The following TUSC3 variants were observed in gnomAD, a reference collection of about 807,000 sequenced individuals.
The protein encoded by TUSC3 is dolichyl-diphosphooligosaccharide--protein glycosyltransferase subunit TUSC3.
A neutral mutation model predicts 44.8 loss-of-function variants in TUSC3; 45 were observed. The ratio of observed to expected loss-of-function variants is 1.00; its 90% CI spans 0.79 to 1.29. The LOEUF (loss-of-function observed/expected upper bound fraction) is 1.29. Among genes scored for constraint, TUSC3 ranks in the 50% most tolerant of loss-of-function variants. The pLI is 0.00. For missense variants in TUSC3, 519 were observed against 437.9 expected, an observed-to-expected ratio of 1.19 and a Z score of -1.65; for synonymous variants, 212 against 152.9, an observed-to-expected ratio of 1.39 and a Z score of -2.85.
Position 15,764,072 on chromosome 8 carries a change from A to C in TUSC3, c.*47-131A>C. The C allele has an allele frequency of 3.1e-6, 3 of 977,614 alleles. No homozygotes were observed. In the East Asian group the frequency reaches 8.8e-5, roughly 29 times the overall value. 60.6% of individuals were successfully genotyped at this position (977,614 alleles called of 1,614,324 possible). A position where few individuals can be genotyped will look rare whatever the true frequency, so the allele number is the denominator to read the frequency against. Reference sequence around the variant, plus strand: ...GAAAAATTGCCCTGATGTAAAAATTACAATTAGTTGAATACAATTATGACA... The same window carrying C: ...GAAAAATTGCCCTGATGTAAAAATTCCAATTAGTTGAATACAATTATGACA... On this transcript the variant is annotated intron_variant, in intron 10 of 10. Transcript: ENST00000503731.
intron 2 of TUSC3, among the ~76,000 whole-genome samples, chr8:15,506,781 T>G (rs7838067): frequency 1.3e-5 from 2 of 152,084 alleles, no homozygotes; most frequent in African/African-American, 4.8e-5. Context: ...AGGAGCTACA[T>G]TTCAAGATGA....
intron 1 of TUSC3, among the ~76,000 whole-genome samples, chr8:15,541,850 T>A (rs956747373): frequency 8.9e-6 from 1 of 111,816 alleles, no homozygotes; most frequent in Non-Finnish European, 2.4e-5. Context: ...ACAGTTTTTT[T>A]TGTGGATTAC....
chr8:15,766,741 G>A (rs1429318202), downstream of TUSC3: 3 of 152,064 alleles, frequency 2.0e-5, no homozygotes, highest in African/African-American at 7.2e-5. Flanking sequence ...GAGACGACTA[G>A]ATGTTGCTGT....
At chr8:15,795,595 C>T in the TUSC3 span, among the ~76,000 whole-genome samples, 64 of 152,234 alleles carry the variant, frequency 4.2e-4, no homozygotes, top group African/African-American at 1.4e-3. Context: ...TATGAGTCAC[C>T]GTGTTTTCAA....
chr8:15,673,666 A>T (rs1300537119), intron 5 of TUSC3, 81 bp from the exon 6 acceptor site: 1 of 1,179,762 alleles, frequency 8.5e-7, no homozygotes, highest in South Asian at 1.2e-5. Flanking sequence ...AGATACTTTC[A>T]TGATGACCAT....
At chr8:15,830,409 TA>T in the TUSC3 span, among the ~76,000 whole-genome samples, 1 of 152,146 alleles carries the variant, frequency 6.6e-6, no homozygotes, top group African/African-American at 2.4e-5. Flanking sequence ...GGAATTTTTA[TA>T]GTTTCAGATC....
At chr8:15,848,884 T>C in the TUSC3 span, among the ~76,000 whole-genome samples, 1 of 152,234 alleles carries the variant, frequency 6.6e-6, no homozygotes, top group Non-Finnish European at 1.5e-5. Context: ...ATTGTAGAAC[T>C]AATCTAGTGC....
At position 15,766,275 on chromosome 8, in the gene TUSC3, G is replaced by C. The variant is rs111262361; in HGVS notation, c.*2119G>C. Reference sequence around the variant, plus strand: ...CCTCAACATAAGTCGTTACTGACTGGAAAATGCTATAGGCAGAATTGCAAA... The same window carrying C: ...CCTCAACATAAGTCGTTACTGACTGCAAAATGCTATAGGCAGAATTGCAAA... On this transcript the variant is annotated 3_prime_UTR_variant, in exon 11 of 11. Coordinates refer to ENST00000503731, the MANE Select transcript of TUSC3 (RefSeq NM_006765.4). The C allele has an allele frequency of 3.9e-5, 6 of 152,214 alleles. No homozygotes were observed. The highest frequency in any genetic ancestry group is 9.6e-5 in the African/African-American group (4 of 41,546). 9.4% of individuals were successfully genotyped at this position (152,214 alleles called of 1,614,324 possible).
downstream of TUSC3, chr8:15,766,739 T>A (rs1187325246): frequency 6.6e-6 from 1 of 152,124 alleles, no homozygotes; most frequent in Non-Finnish European, 1.5e-5. Context: ...GGGAGACGAC[T>A]AGATGTTGCT....
chr8:15,568,326 TAAAC>T (rs1802750412), intron 1 of TUSC3, among the ~76,000 whole-genome samples: 1 of 152,120 alleles, frequency 6.6e-6, no homozygotes, highest in Non-Finnish European at 1.5e-5. Flanking sequence ...AATGCAGAAA[TAAAC>T]AAAATGTATA....
intron 1 of TUSC3, among the ~76,000 whole-genome samples, chr8:15,462,252 T>C (rs1800356061): frequency 6.6e-6 from 1 of 152,090 alleles, no homozygotes; most frequent in South Asian, 2.1e-4. Context: ...GCAGAGAATT[T>C]TGACGAATTA....
intron 2 of TUSC3, among the ~76,000 whole-genome samples, chr8:15,640,591 G>T (rs1002528142): frequency 1.3e-5 from 2 of 152,078 alleles, no homozygotes; most frequent in African/African-American, 4.8e-5. Context: ...AGCCTCCCCT[G>T]CCCCTAAAGA....
At chr8:15,641,969 A>G (rs557111326) in intron 2 of TUSC3, among the ~76,000 whole-genome samples, 1 of 152,226 alleles carries the variant, frequency 6.6e-6, no homozygotes, top group African/African-American at 2.4e-5. Flanking sequence ...GAATGTGTAC[A>G]TATGTCTACA....
intron 3 of TUSC3, among the ~76,000 whole-genome samples, chr8:15,653,075 C>G (rs1481632473): frequency 6.6e-6 from 1 of 152,166 alleles, no homozygotes; most frequent in Admixed American, 6.5e-5. Context: ...AACAGAAACA[C>G]TCATTTTTCA....
chr8:15,792,914 C>T, the TUSC3 span, among the ~76,000 whole-genome samples: 65 of 152,140 alleles, frequency 4.3e-4, no homozygotes, highest in East Asian at 8.4e-3. Flanking sequence ...TCACCATGCC[C>T]GACCACCTAC....
chr8:15,848,507 AC>A, the TUSC3 span, among the ~76,000 whole-genome samples: 1 of 151,996 alleles, frequency 6.6e-6, no homozygotes, highest in Non-Finnish European at 1.5e-5. Flanking sequence ...TACAGAACAG[AC>A]CCCATCTATC....
chr8:15,736,172 C>T (rs1290583032), intron 7 of TUSC3, among the ~76,000 whole-genome samples: 1 of 152,110 alleles, frequency 6.6e-6, no homozygotes, highest in Non-Finnish European at 1.5e-5. Flanking sequence ...ACAAGAGTCA[C>T]AAAACCTGAC....
intron 1 of TUSC3, among the ~76,000 whole-genome samples, chr8:15,448,828 A>G (rs79105394): frequency 0.14 from 21,793 of 152,232 alleles, 2,279 homozygotes; most frequent in East Asian, 0.38. Context: ...ATTTTGGTCA[A>G]CAGACTCTAT....
intron 1 of TUSC3, among the ~76,000 whole-genome samples, chr8:15,574,650 G>C (rs770017418): frequency 6.6e-6 from 1 of 152,070 alleles, no homozygotes; most frequent in South Asian, 2.1e-4. Context: ...TTACTTTTAG[G>C]GTTTTGACCC....
Sources: gnomAD v4.1 joint callset for allele counts (sites outside exome capture counted in the v4.1 genomes callset) on GRCh38, gnomAD v4.1.1 for gene constraint, MANE v1.5 for transcripts, NCBI Gene and HGNC (gene_info 2026-07-23, HGNC 2026-07-21) for gene names.